The following AURKC variants were observed in gnomAD, a reference collection of about 807,000 sequenced individuals.
AURKC encodes the protein ARK-3.
Under a neutral mutation model 29.2 loss-of-function variants are expected in AURKC, and 15 were observed. The ratio of observed to expected loss-of-function variants is 0.51; its 90% CI spans 0.34 to 0.79. The LOEUF (loss-of-function observed/expected upper bound fraction) is 0.79. Among genes scored for constraint, AURKC ranks in the 30% least tolerant of loss-of-function variants. The pLI is 0.01. For synonymous variants in AURKC, 150 were observed against 149.9 expected (o/e 1.00, Z -0.01); for missense variants, 332 against 383.2 (o/e 0.87, Z 1.12).
chr19:57,231,590 G>A, intron 1 of AURKC, 152 bp from the exon 2 acceptor site: 2 of 748,834 alleles, frequency 2.7e-6, no homozygotes, highest in South Asian at 1.7e-5. Context: ...CCCTCTCCCT[G>A]CCTTCCCCTT....
chr19:57,231,573 TCCCTCCCCCTCTCCCTGCCTTC>T (rs1461160084), intron 1 of AURKC, 147 bp from the exon 2 acceptor site: 2 of 731,532 alleles, frequency 2.7e-6, no homozygotes, highest in Non-Finnish European at 4.5e-6. Context: ...CCCTTACCTC[TCCCTCCCCCTCTCCCTGCCTTC>T]CCCTTCCCTC....
chr19:57,232,691 G>A lies in AURKC; in HGVS notation c.435+11G>A, dbSNP rs193015358. Reference sequence around the variant, plus strand: ...CAGCGCACAGCCACGGTGAGGTGCGGGTCTGGAGGCTCTGGGGTCTCTGAG... The same window carrying A: ...CAGCGCACAGCCACGGTGAGGTGCGAGTCTGGAGGCTCTGGGGTCTCTGAG... On this transcript the variant is annotated intron_variant, in intron 4 of 6. Coordinates refer to ENST00000302804, the MANE Select transcript of AURKC (RefSeq NM_001015878.2). This position sits in a 1 kb window ranked among gnomAD's most constrained non-coding sequence, Gnocchi z 4.5. 1.5e-3 allele frequency: 2,494 copies of A among 1,612,998 alleles called. 9 individuals carry two copies. Among genetic ancestry groups the A allele is most frequent in the Admixed American group, 1.8e-3 (109 of 59,998 alleles).
In AURKC at chr19:57,232,107, C is replaced by A; in HGVS notation, c.179C>A (p.Ala60Asp). The A allele has an allele frequency of 1.2e-6, 2 of 1,614,112 alleles. No homozygotes were observed. Among genetic ancestry groups the A allele is most frequent in the Non-Finnish European group, 1.7e-6 (2 of 1,180,022 alleles). The change falls in exon 3 of 7, where the codon GCT becomes GAT. Residue 60 changes from alanine to aspartate, a missense_variant. By Grantham distance (126) the Ala-to-Asp change is moderately radical. Transcript: ENST00000302804. This position sits in a 1 kb window ranked among gnomAD's most constrained non-coding sequence, Gnocchi z 4.5. ...GGGAAATTTGGGAATGTGTACCTGG[C>A]TCGGCTCAAGGAAAGCCATTTCATT... is the stretch of plus-strand genomic sequence containing the variant. ...GKGKFGNVYL[A>D]RLKESHFIVA... is the part of the protein sequence containing the mutation.
rs974679018 is a variant in AURKC, at chr19:57,231,560, T to C, written c.59-182T>C. On this transcript the variant is annotated intron_variant, in intron 1 of 6. Transcript: ENST00000302804. Reference sequence around the variant, plus strand: ...CCCTACCTTACCTTACTCTTTCTTCTTCCCCTTACCTCTCCCTCCCCCTCT... The same window carrying C: ...CCCTACCTTACCTTACTCTTTCTTCCTCCCCTTACCTCTCCCTCCCCCTCT... 5.2e-6 allele frequency: 4 copies of C among 769,222 alleles called. No individual in the cohort carries two copies. In the African/African-American group the frequency reaches 7.0e-5, roughly 13 times the overall value. 47.6% of individuals were successfully genotyped at this position (769,222 alleles called of 1,614,324 possible). A position where few individuals can be genotyped will look rare whatever the true frequency, so the allele number is the denominator to read the frequency against.
Position 57,235,240 on chromosome 19 carries a change from T to G in AURKC, c.760-7T>G. On this transcript the variant is annotated splice_polypyrimidine_tract_variant and splice_region_variant and intron_variant, in intron 6 of 6. Coordinates refer to ENST00000302804, the MANE Select transcript of AURKC (RefSeq NM_001015878.2). ...GACTTCTCTTTCTTCTTTCCTGGCCTCATCAGGTAGATGTGAGGTTTCCAC... is the reference window on the plus strand; with the variant it reads ...GACTTCTCTTTCTTCTTTCCTGGCCGCATCAGGTAGATGTGAGGTTTCCAC... 1.2e-6 allele frequency: 2 copies of G among 1,614,206 alleles called. No homozygotes were observed. The highest frequency in any genetic ancestry group is 1.7e-6 in the Non-Finnish European group (2 of 1,180,022).
At chr19:57,233,317 A>C in intron 4 of AURKC, 143 bp from the exon 5 acceptor site, 1 of 1,207,190 alleles carries the variant, frequency 8.3e-7, no homozygotes, top group South Asian at 1.2e-5. Flanking sequence ...CACACCAGTA[A>C]CTGGTGCAAT....
At chr19:57,235,159 C>T in intron 6 of AURKC, 88 bp from the exon 7 acceptor site, 1 of 1,610,088 alleles carries the variant, frequency 6.2e-7, no homozygotes, top group South Asian at 1.1e-5. Context: ...TGGTCCAGAA[C>T]AGCGCCTTAA....
chr19:57,232,549 A>C lies in AURKC; in HGVS notation c.304A>C (p.Asn102His), dbSNP rs202030166. Residue 102 changes from asparagine (N) to histidine (H), a missense_variant, in exon 4 of 7, where the codon AAT becomes CAT. Transcript: ENST00000302804. The surrounding 1 kb of genome is among the most constrained non-coding windows in gnomAD (Gnocchi z 4.5). ...CCAACATTAATCCTTCAGACACCCCAATATCCTGCGCCTGTATAACTATTT... is the reference window on the plus strand; with the variant it reads ...CCAACATTAATCCTTCAGACACCCCCATATCCTGCGCCTGTATAACTATTT... ...IEIQAHLQHP[N>H]ILRLYNYFHD... The C allele has an allele frequency of 8.7e-6, 14 of 1,614,062 alleles. No homozygotes were observed. The South Asian group carries it at 1.4e-4, about 16-fold the overall frequency.
intron 1 of AURKC, 66 bp downstream of exon 1, chr19:57,231,372 A>G: frequency 6.6e-7 from 1 of 1,526,016 alleles, no homozygotes. Context: ...TCGGGTGCAC[A>G]GAAGACACAT....
intron 5 of AURKC, among the ~76,000 whole-genome samples, chr19:57,233,915 A>G (rs1192536045): frequency 6.6e-6 from 1 of 151,306 alleles, no homozygotes; most frequent in Non-Finnish European, 1.5e-5. Context: ...TATTTTTAGT[A>G]GAGACAGGGT....
chr19:57,234,859 T>C, intron 5 of AURKC, 25 bp from the exon 6 acceptor site: 1 of 1,614,052 alleles, frequency 6.2e-7, no homozygotes, highest in Non-Finnish European at 8.5e-7. Flanking sequence ...GCTTAGTACT[T>C]ATTCCCTTTT....
rs2087515488 is a variant in AURKC at position 57,233,557 on chromosome 19, G to A, written c.533G>A (p.Gly178Asp). 6.2e-7 allele frequency: 1 copy of A among 1,614,034 alleles called. No individual in the cohort carries two copies. The highest frequency in any genetic ancestry group is 1.3e-5 in the African/African-American group (1 of 74,928). The change falls in exon 5 of 7, where the codon GGT (glycine) becomes GAT (aspartate). Residue 178 changes from glycine to aspartate, a missense_variant. Coordinates refer to ENST00000302804, the MANE Select transcript of AURKC (RefSeq NM_001015878.2). ...KPENLLLGFRGEVKIADFGWS... is the reference protein window; with the variant it reads ...KPENLLLGFRDEVKIADFGWS... Reference sequence around the variant, plus strand: ...GAGAACCTGCTGCTGGGGTTCAGGGGTGAGGTGAAGATTGCAGATTTTGGC... The same window carrying A: ...GAGAACCTGCTGCTGGGGTTCAGGGATGAGGTGAAGATTGCAGATTTTGGC...
intron 1 of AURKC, 109 bp downstream of exon 1, chr19:57,231,415 C>A: frequency 8.0e-7 from 1 of 1,255,558 alleles, no homozygotes; most frequent in Non-Finnish European, 1.1e-6. Flanking sequence ...TCCTCCTCCC[C>A]AACGCTCTTC....
chr19:57,232,144 G>C lies in AURKC; in HGVS notation c.216G>C (p.Lys72Asn). 6.2e-7 allele frequency: 1 copy of C among 1,614,042 alleles called. No individual in the cohort carries two copies. The highest frequency in any genetic ancestry group is 8.5e-7 in the Non-Finnish European group (1 of 1,180,030). ...AAAGCCATTTCATTGTGGCCCTGAA[G>C]GTTCTCTTCAAGTCGCAGATAGAGA... ...LKESHFIVAL[K>N]VLFKSQIEKE... Residue 72 changes from lysine (K) to asparagine (N), a missense_variant, in exon 3 of 7, where the codon AAG becomes AAC. Coordinates refer to ENST00000302804, the MANE Select transcript of AURKC (RefSeq NM_001015878.2). The surrounding 1 kb of genome is among the most constrained non-coding windows in gnomAD (Gnocchi z 4.5).
intron 5 of AURKC, among the ~76,000 whole-genome samples, chr19:57,234,144 C>T (rs753801471): frequency 1.5e-5 from 2 of 136,012 alleles, no homozygotes; most frequent in Non-Finnish European, 3.3e-5. Context: ...TGCAACCTCC[C>T]CCTCCCAGGT....
At chr19:57,233,877 A>G (rs959217542) in intron 5 of AURKC, among the ~76,000 whole-genome samples, 5 of 151,750 alleles carry the variant, frequency 3.3e-5, no homozygotes, top group Non-Finnish European at 7.4e-5. Context: ...GATAACAGGC[A>G]TGTGCCACCA....
Position 57,232,170 on chromosome 19 carries a change from AG to A in AURKC, c.244del (p.Glu82LysfsTer37), listed in dbSNP as rs760310744. On this transcript the variant is annotated frameshift_variant, in exon 3 of 7. Coordinates refer to ENST00000302804, the MANE Select transcript of AURKC (RefSeq NM_001015878.2). LOFTEE classifies it high-confidence loss of function. The surrounding 1 kb of genome is among the most constrained non-coding windows in gnomAD (Gnocchi z 4.5). The part of the protein sequence containing the change: ...LKVLFKSQIE[K>X]EGLEHQLRRE... ...GTTCTCTTCAAGTCGCAGATAGAGA[AG>A]GAAGGACTGGAGCACCAGCTGCGCC... 4.3e-6 allele frequency: 7 copies of A among 1,614,052 alleles called. No homozygotes were observed. The highest frequency in any genetic ancestry group is 5.9e-6 in the Non-Finnish European group (7 of 1,180,044).
chr19:57,231,854 G>C, intron 2 of AURKC, 67 bp downstream of exon 2: 1 of 1,613,436 alleles, frequency 6.2e-7, no homozygotes, highest in Non-Finnish European at 8.5e-7. Flanking sequence ...AGAACAGACT[G>C]GGTGTGTGGG....
In AURKC at chr19:57,231,068, G is replaced by A; in HGVS notation, c.-181G>A. On this transcript the variant is annotated 5_prime_UTR_variant, in exon 1 of 7. Transcript: ENST00000302804. Reference sequence around the variant, plus strand: ...AAAAGAAGGCCGCGCAGCCACGGCTGCTCACGACGCCGCGGATCCCGAAGC... The same window carrying A: ...AAAAGAAGGCCGCGCAGCCACGGCTACTCACGACGCCGCGGATCCCGAAGC... 3 of 1,426,492 alleles carry A rather than the reference G, an allele frequency of 2.1e-6. No individual in the cohort carries two copies. The highest frequency in any genetic ancestry group is 2.9e-6 in the Non-Finnish European group (3 of 1,031,656). The allele number at this position is 1,426,492 out of a possible 1,614,324, so 88.4% of individuals were successfully genotyped here.
Sources: gnomAD v4.1 joint callset for allele counts (sites outside exome capture counted in the v4.1 genomes callset) on GRCh38, gnomAD v4.1.1 for gene constraint, Gnocchi (gnomAD v3.1) non-coding constraint, MANE v1.5 for transcripts, NCBI Gene and HGNC (gene_info 2026-07-23, HGNC 2026-07-21) for gene names.